Variants in MRTFA observed in about 807,000 individuals in gnomAD.
MRTFA encodes myocardin related transcription factor A.
MRTFA carries 20 observed loss-of-function variants against 83.5 expected under a neutral mutation model. The observed-to-expected ratio is 0.24, with a 90% CI of 0.17 to 0.35. MRTFA has a LOEUF of 0.35. Ranked by LOEUF, MRTFA falls within the 10% of genes least tolerant of loss-of-function variation. MRTFA has a pLI of 1.00. For synonymous variants in MRTFA, 659 were observed against 541.2 expected (o/e 1.22, Z -3.02); for missense variants, 1,200 against 1,224.7 (o/e 0.98, Z 0.30).
intron 2 of MRTFA, among the ~76,000 whole-genome samples, chr22:40,572,554 A>T (rs2055810934): frequency 6.6e-6 from 1 of 152,118 alleles, no homozygotes; most frequent in African/African-American, 2.4e-5. Context: ...TATCTCAGTA[A>T]AGCTGTTTTT....
rs146821039 is a variant in MRTFA at position 40,489,600 on chromosome 22, C to T, written c.242-26314G>A. Among the ~76,000 whole-genome samples, 26 of 152,190 alleles carry T rather than the reference C, an allele frequency of 1.7e-4. No homozygotes were observed. In the East Asian group the frequency reaches 5.0e-3, roughly 29 times the overall value. On this transcript the variant is annotated intron_variant, in intron 3 of 14. Coordinates refer to ENST00000355630, the MANE Select transcript of MRTFA (RefSeq NM_020831.6). ...AAGTGTTGGGATTACAGGCATGAGC[C>T]ACTGCACCCAGCCCATAATTTGAGT...
At chr22:40,547,434 T>G (rs1018410467) in intron 3 of MRTFA, among the ~76,000 whole-genome samples, 1 of 151,990 alleles carries the variant, frequency 6.6e-6, no homozygotes, top group South Asian at 2.1e-4. Context: ...GGAAATGACA[T>G]TTGTGCAGGA....
intron 14 of MRTFA, chr22:40,412,421 TC>T (rs1362651964): frequency 1.3e-5 from 2 of 152,274 alleles, no homozygotes; most frequent in Non-Finnish European, 2.9e-5. Context: ...TGGAGGTTCC[TC>T]CAACACTTAC....
chr22:40,570,703 G>A (rs1235215199), intron 2 of MRTFA, among the ~76,000 whole-genome samples: 1 of 151,508 alleles, frequency 6.6e-6, no homozygotes, highest in African/African-American at 2.4e-5. Context: ...AGACTACGAG[G>A]AAGAGGCCAC....
chr22:40,449,914 T>C (rs781637962), intron 4 of MRTFA, among the ~76,000 whole-genome samples: 6 of 152,148 alleles, frequency 3.9e-5, no homozygotes, highest in Non-Finnish European at 7.4e-5. Flanking sequence ...AGGGGCATGG[T>C]AGTCACCCAA....
chr22:40,583,200 C>T (rs2055976366), intron 2 of MRTFA, among the ~76,000 whole-genome samples: 1 of 152,092 alleles, frequency 6.6e-6, no homozygotes, highest in South Asian at 2.1e-4. Context: ...AATATAGCCA[C>T]ATGACAGCTC....
chr22:40,431,574 C>T (rs2053069973), intron 5 of MRTFA, 94 bp from the exon 6 acceptor site: 1 of 1,138,662 alleles, frequency 8.8e-7, no homozygotes, highest in African/African-American at 1.5e-5. Context: ...ATGGTAGCTG[C>T]TGACCACCTC....
intron 3 of MRTFA, among the ~76,000 whole-genome samples, chr22:40,551,748 C>A (rs777968271): frequency 6.6e-6 from 1 of 152,200 alleles, no homozygotes; most frequent in Non-Finnish European, 1.5e-5. Context: ...AAAGATTACT[C>A]TGACAAGGCT....
chr22:40,635,827 A>C (rs1255151370), intron 1 of MRTFA, among the ~76,000 whole-genome samples: 2 of 152,362 alleles, frequency 1.3e-5, no homozygotes, highest in Non-Finnish European at 2.9e-5. Context: ...ACCAAGGCAC[A>C]AGATTACACA....
At chr22:40,628,113 T>A (rs2147446963) in intron 1 of MRTFA, among the ~76,000 whole-genome samples, 2 of 152,352 alleles carry the variant, frequency 1.3e-5, no homozygotes, top group East Asian at 3.9e-4. Context: ...GCACAATGTC[T>A]ACTATAAAGT....
intron 4 of MRTFA, among the ~76,000 whole-genome samples, chr22:40,459,330 TCA>T (rs1463419309): frequency 6.6e-6 from 1 of 151,362 alleles, no homozygotes; most frequent in African/African-American, 2.4e-5. Flanking sequence ...AGGAGGAAAT[TCA>T]CACCTGAAAC....
chr22:40,621,946 T>A (rs1290609778), intron 1 of MRTFA, among the ~76,000 whole-genome samples: 1 of 152,182 alleles, frequency 6.6e-6, no homozygotes, highest in African/African-American at 2.4e-5. Flanking sequence ...ATAATGAGAC[T>A]TTAAACTTCA....
intron 2 of MRTFA, chr22:40,569,183 T>C (rs1569332739): frequency 6.5e-6 from 1 of 153,922 alleles, no homozygotes; most frequent in African/African-American, 2.4e-5. Flanking sequence ...GCTCAGGAGT[T>C]TGAGGCTGCA....
At chr22:40,419,457 G>C in intron 11 of MRTFA, 73 bp from the exon 12 acceptor site, 1 of 1,432,540 alleles carries the variant, frequency 7.0e-7, no homozygotes, top group Non-Finnish European at 9.6e-7. Context: ...CAGAAGGGCA[G>C]TCTGGGCCCC....
chr22:40,627,516 G>A (rs1022702073), intron 1 of MRTFA, among the ~76,000 whole-genome samples: 2 of 152,182 alleles, frequency 1.3e-5, no homozygotes, highest in Non-Finnish European at 2.9e-5. Context: ...ATACCGCACA[G>A]AATATTTTCT....
chr22:40,572,855 G>A (rs1256105906), intron 2 of MRTFA, among the ~76,000 whole-genome samples: 2 of 152,134 alleles, frequency 1.3e-5, no homozygotes, highest in Admixed American at 1.3e-4. Flanking sequence ...CGCCACCCCT[G>A]TAATTCAATC....
At chr22:40,619,602 G>A (rs1376742122) in intron 1 of MRTFA, among the ~76,000 whole-genome samples, 5 of 152,032 alleles carry the variant, frequency 3.3e-5, no homozygotes, top group Non-Finnish European at 7.4e-5. Context: ...TAAACAAAAA[G>A]AAATTGGCCG....
chr22:40,531,528 G>C (rs925818617), intron 3 of MRTFA, among the ~76,000 whole-genome samples: 4 of 151,816 alleles, frequency 2.6e-5, no homozygotes, highest in African/African-American at 9.7e-5. Flanking sequence ...TTTTATTTAG[G>C]GTAAAACTTT....
In MRTFA at chr22:40,419,325, A is replaced by T; in HGVS notation, c.1413T>A (p.Thr471=). 3 of 1,613,912 alleles carry T rather than the reference A, an allele frequency of 1.9e-6. No individual in the cohort carries two copies. Among genetic ancestry groups the T allele is most frequent in the Non-Finnish European group, 2.5e-6 (3 of 1,179,928 alleles). Reference sequence around the variant, plus strand: ...AGGCTCGAAGGCGCTCAATCAGCTCAGTTTTGGTGCCCGAGACAGGCAGTG... The same window carrying T: ...AGGCTCGAAGGCGCTCAATCAGCTCTGTTTTGGTGCCCGAGACAGGCAGTG... The change falls in exon 12 of 15, where the codon ACT becomes ACA. Residue 471 remains threonine, a synonymous_variant. Transcript: ENST00000355630.
Sources: allele counts gnomAD v4.1 joint callset (sites outside exome capture counted in the v4.1 genomes callset), GRCh38; gene constraint gnomAD v4.1.1; transcripts MANE v1.5; gene names NCBI Gene and HGNC (gene_info 2026-07-23, HGNC 2026-07-21).